The following MRPS6 variants were observed in gnomAD, a reference collection of about 807,000 sequenced individuals.
MRPS6 encodes the protein small ribosomal subunit protein bS6m.
In MRPS6, 6 loss-of-function variants were observed where a neutral mutation model predicts 13.1. The ratio of observed to expected loss-of-function variants is 0.46; its 90% CI spans 0.25 to 0.91. The LOEUF (loss-of-function observed/expected upper bound fraction) is 0.91. Among genes scored for constraint, MRPS6 ranks in the 40% least tolerant of loss-of-function variants. The pLI, the probability that MRPS6 is intolerant of heterozygous loss-of-function variation, is 0.18. For missense variants in MRPS6, 164 were observed against 155.6 expected, an observed-to-expected ratio of 1.05 and a Z score of -0.29; for synonymous variants, 61 against 56.5, an observed-to-expected ratio of 1.08 and a Z score of -0.36.
intron 1 of MRPS6, among the ~76,000 whole-genome samples, chr21:34,119,576 C>T (rs529964793): frequency 3.3e-5 from 5 of 152,224 alleles, no homozygotes; most frequent in East Asian, 3.9e-4. Flanking sequence ...CTCTTTGTAA[C>T]GTGAGGCGGG....
Position 34,096,030 on chromosome 21 carries a change from G to A in MRPS6, c.45+22285G>A. The A allele has an allele frequency of 6.2e-7, 1 of 1,614,094 alleles. No individual in the cohort carries two copies. Among genetic ancestry groups the A allele is most frequent in the Non-Finnish European group, 8.5e-7 (1 of 1,179,988 alleles). ...CCCAGCTTCAGTATGGTACTGGTGT[G>A]CTGACCAAGTCATCGTGCAGAGGGT... is the stretch of plus-strand genomic sequence containing the variant. On this transcript the variant is annotated intron_variant, in intron 1 of 2. Transcript: ENST00000399312. The surrounding 1 kb of genome is among the most constrained non-coding windows in gnomAD (Gnocchi z 5.9).
chr21:34,073,912 G>C (rs1325731080), intron 1 of MRPS6, among the ~76,000 whole-genome samples, 167 bp downstream of exon 1: 1 of 145,664 alleles, frequency 6.9e-6, no homozygotes, highest in Middle Eastern at 3.4e-3. Flanking sequence ...GGGGGCGCGC[G>C]TGGGCCGGCC....
intron 1 of MRPS6, among the ~76,000 whole-genome samples, chr21:34,113,972 G>A (rs145757241): frequency 3.3e-5 from 5 of 152,162 alleles, no homozygotes; most frequent in Non-Finnish European, 7.3e-5. Flanking sequence ...ATGAAGGCAT[G>A]CAATCAATAA....
chr21:34,087,696 A>G (rs965522643), intron 1 of MRPS6, among the ~76,000 whole-genome samples: 7 of 152,248 alleles, frequency 4.6e-5, no homozygotes, highest in Non-Finnish European at 7.3e-5. Context: ...AGCCAGTCCC[A>G]GAGGCTAGTT....
chr21:34,098,155 G>T, intron 1 of MRPS6: 1 of 1,000,010 alleles, frequency 1.0e-6, no homozygotes, highest in Non-Finnish European at 1.2e-6. Flanking sequence ...TCATATTAAG[G>T]TTGTTTATAT....
chr21:34,095,058 A>G, intron 1 of MRPS6: 2 of 981,540 alleles, frequency 2.0e-6, no homozygotes, highest in Non-Finnish European at 1.3e-6. Context: ...AGCAAACCAA[A>G]GGACAAAGAC....
intron 1 of MRPS6, among the ~76,000 whole-genome samples, chr21:34,114,554 G>T (rs1395118484): frequency 1.3e-5 from 2 of 152,048 alleles, no homozygotes; most frequent in Non-Finnish European, 2.9e-5. Context: ...ATATCTGAGG[G>T]TAAGATGCAG....
At chr21:34,110,114 C>G (rs1270367443) in intron 1 of MRPS6, among the ~76,000 whole-genome samples, 1 of 152,128 alleles carries the variant, frequency 6.6e-6, no homozygotes, top group East Asian at 1.9e-4. Context: ...TAAAGTTCTG[C>G]TTATTTCTAA....
At position 34,106,229 on chromosome 21, in the gene MRPS6, C is replaced by T. The variant is rs945810309; in HGVS notation, c.46-19112C>T. On this transcript the variant is annotated intron_variant, in intron 1 of 2. Transcript: ENST00000399312. ...TTATTTTATGGAAATGTTAGCAATT[C>T]TGTACCAACTTTGAATAAAATGAAA... is the stretch of plus-strand genomic sequence containing the variant. 8.5e-6 allele frequency: 8 copies of T among 935,882 alleles called. No homozygotes were observed. The African/African-American group carries it at 1.4e-4, about 17-fold the overall frequency. The allele number at this position is 935,882 out of a possible 1,614,324, so 58.0% of individuals were successfully genotyped here.
At chr21:34,120,969 A>G (rs189396179) in intron 1 of MRPS6, among the ~76,000 whole-genome samples, 2 of 152,310 alleles carry the variant, frequency 1.3e-5, no homozygotes, top group East Asian at 3.9e-4. Flanking sequence ...GGAGTAAGTA[A>G]GCAAGAGACC....
intron 1 of MRPS6, among the ~76,000 whole-genome samples, chr21:34,117,159 A>C (rs60595991): frequency 0.021 from 3,198 of 152,232 alleles, 110 homozygotes; most frequent in African/African-American, 0.072. Flanking sequence ...AAGAAACTGA[A>C]ATCTTAATGT....
In MRPS6 at chr21:34,142,438, C is replaced by T. The variant is rs75039931; in HGVS notation, c.216C>T (p.Thr72=). The T allele has an allele frequency of 5.7e-5, 90 of 1,588,924 alleles. No homozygotes were observed. In the African/African-American group the frequency reaches 8.0e-4, roughly 14 times the overall value. ...TCTTGGTGGATTTTTATGCACCCAC[C>T]GCAGCTGTTGAAAGCATGGTGGAGC... The part of the protein sequence containing the change: ...GYFLVDFYAP[T]AAVESMVEHL... Residue 72 remains threonine, a synonymous_variant, in exon 3 of 3, where the codon ACC becomes ACT. Transcript: ENST00000399312.
intron 1 of MRPS6, among the ~76,000 whole-genome samples, chr21:34,082,862 C>A (rs1335302492): frequency 6.6e-6 from 1 of 152,166 alleles, no homozygotes; most frequent in Non-Finnish European, 1.5e-5. Context: ...CTTCCCCTTG[C>A]AATCATTTTT....
intron 1 of MRPS6, among the ~76,000 whole-genome samples, chr21:34,082,907 T>A (rs2148654052): frequency 6.6e-6 from 1 of 152,322 alleles, no homozygotes; most frequent in East Asian, 1.9e-4. Flanking sequence ...GTAATTTCTG[T>A]CCACTTTGGG....
In MRPS6 at chr21:34,121,183, G is replaced by A. The variant is rs116138108; in HGVS notation, c.46-4158G>A. 3.6e-3 allele frequency among the ~76,000 whole-genome samples: 547 copies of A among 152,292 alleles called. 2 individuals carry two copies. The highest frequency in any genetic ancestry group is 0.013 in the African/African-American group (525 of 41,562). On this transcript the variant is annotated intron_variant, in intron 1 of 2. Transcript: ENST00000399312. ...AAAAAAGAATGACATCAGGAGAACTGGGGGATGGAGGTGCATTTTGGTGAT... is the reference window on the plus strand; with the variant it reads ...AAAAAAGAATGACATCAGGAGAACTAGGGGATGGAGGTGCATTTTGGTGAT...
chr21:34,102,045 A>G, intron 1 of MRPS6: 2 of 1,000,148 alleles, frequency 2.0e-6, no homozygotes, highest in Non-Finnish European at 2.4e-6. Flanking sequence ...ATGAGGCTGG[A>G]TTGTGAAAAG....
At chr21:34,107,704 T>C (rs1316946167) in intron 1 of MRPS6, among the ~76,000 whole-genome samples, 1 of 152,244 alleles carries the variant, frequency 6.6e-6, no homozygotes, top group Non-Finnish European at 1.5e-5. Flanking sequence ...TGGATTACTT[T>C]GTTCAGTGAG....
chr21:34,088,989 T>C (rs2148656713), intron 1 of MRPS6, among the ~76,000 whole-genome samples: 1 of 152,296 alleles, frequency 6.6e-6, no homozygotes, highest in African/African-American at 2.4e-5. Context: ...AATGTTTGGT[T>C]AAGATTACAT....
At position 34,104,145 on chromosome 21, in the gene MRPS6, T is replaced by C. The variant is rs552656354; in HGVS notation, c.46-21196T>C. On this transcript the variant is annotated intron_variant, in intron 1 of 2. Transcript: ENST00000399312. ...CCTTTATTTTTTTCCTATACTTGAC[T>C]GTGCTTCATTTTAATAAAGGATAAT... 10 of 999,994 alleles carry C rather than the reference T, an allele frequency of 1.0e-5. No homozygotes were observed. The South Asian group carries it at 1.9e-4, about 19-fold the overall frequency. The allele number at this position is 999,994 out of a possible 1,614,324, so 61.9% of individuals were successfully genotyped here.
Sources: allele counts gnomAD v4.1 joint callset (sites outside exome capture counted in the v4.1 genomes callset), GRCh38; gene constraint gnomAD v4.1.1; non-coding constraint Gnocchi (gnomAD v3.1); transcripts MANE v1.5; gene names NCBI Gene and HGNC (gene_info 2026-07-23, HGNC 2026-07-21).